Variants in MACROD2 observed in about 807,000 individuals in gnomAD.
The protein encoded by MACROD2 is mono-ADP ribosylhydrolase 2, also known as ADP-ribose glycohydrolase MACROD2.
A neutral mutation model predicts 70.4 loss-of-function variants in MACROD2; 36 were observed. That is an observed-to-expected ratio of 0.51 (90% CI 0.39 to 0.68). The LOEUF is 0.68. MACROD2 is among the 30% of genes least tolerant of loss of function. The pLI is 0.00. For missense variants in MACROD2, 496 were observed against 538.4 expected (o/e 0.92, Z 0.78); for synonymous variants, 172 against 178.8 (o/e 0.96, Z 0.30).
intron 6 of MACROD2, among the ~76,000 whole-genome samples, chr20:15,242,068 TAAGATA>T (rs1199590480): frequency 7.2e-5 from 11 of 152,164 alleles, no homozygotes; most frequent in African/African-American, 2.7e-4. Flanking sequence ...TGATCAAGAT[TAAGATA>T]ATCAGTAATG....
Position 14,855,899 on chromosome 20 carries a change from G to A in MACROD2, c.418+170940G>A, listed in dbSNP as rs115999000. 3.6e-3 allele frequency among the ~76,000 whole-genome samples: 554 copies of A among 151,976 alleles called. 2 individuals are homozygous for A. The highest frequency in any genetic ancestry group is 0.013 in the African/African-American group (524 of 41,466). On this transcript the variant is annotated intron_variant, in intron 5 of 17. Coordinates refer to ENST00000684519, the MANE Select transcript of MACROD2 (RefSeq NM_001351661.2). The stretch of plus-strand genomic sequence containing the variant: ...TAGTATATAGTTAAATAGAAATATC[G>A]TATTTCTAAGCAATTACCTTGTAAA...
chr20:15,607,328 G>C (rs73101898), intron 8 of MACROD2, among the ~76,000 whole-genome samples: 2,995 of 152,214 alleles, frequency 0.02, 47 homozygotes, highest in Non-Finnish European at 0.033. Flanking sequence ...TTGTTAATTG[G>C]ATTATATTAA....
chr20:15,500,007 GT>G (rs1204091093), intron 8 of MACROD2, among the ~76,000 whole-genome samples, 160 bp downstream of exon 8: 1 of 152,124 alleles, frequency 6.6e-6, no homozygotes, highest in Non-Finnish European at 1.5e-5. Context: ...GTAATTAAAT[GT>G]TTTTTGGTAA....
intron 8 of MACROD2, among the ~76,000 whole-genome samples, chr20:15,700,239 C>G (rs1412213166): frequency 1.3e-5 from 2 of 152,220 alleles, no homozygotes; most frequent in African/African-American, 4.8e-5. Flanking sequence ...CTGTCTAGAG[C>G]TGCAATCTGG....
chr20:15,319,867 T>C (rs1239637263), intron 6 of MACROD2, among the ~76,000 whole-genome samples: 1 of 152,208 alleles, frequency 6.6e-6, no homozygotes, highest in Non-Finnish European at 1.5e-5. Context: ...ATAGGTCCCA[T>C]ATTGTATAAT....
chr20:15,245,613 A>C (rs1252108515), intron 6 of MACROD2, among the ~76,000 whole-genome samples: 1 of 152,202 alleles, frequency 6.6e-6, no homozygotes, highest in Non-Finnish European at 1.5e-5. Flanking sequence ...TGGAAACTGT[A>C]CTTCAAGTGT....
intron 3 of MACROD2, among the ~76,000 whole-genome samples, chr20:14,216,999 T>C (rs2081628596): frequency 6.6e-6 from 1 of 152,200 alleles, no homozygotes; most frequent in Non-Finnish European, 1.5e-5. Context: ...TGCCTTTTAT[T>C]CTTTCTCTTG....
At chr20:15,346,881 G>A (rs1005779251) in intron 6 of MACROD2, among the ~76,000 whole-genome samples, 2 of 152,170 alleles carry the variant, frequency 1.3e-5, no homozygotes, top group African/African-American at 2.4e-5. Flanking sequence ...TCCAATGGGA[G>A]TATATTTAGT....
chr20:15,197,081 G>T, intron 5 of MACROD2: 1 of 951,370 alleles, frequency 1.1e-6, no homozygotes, highest in Non-Finnish European at 1.3e-6. Flanking sequence ...TCCTCTTCAT[G>T]TCTGGTTTGG....
At chr20:15,816,339 G>A (rs146461494) in intron 8 of MACROD2, among the ~76,000 whole-genome samples, 3 of 151,958 alleles carry the variant, frequency 2.0e-5, no homozygotes, top group Non-Finnish European at 4.4e-5. Context: ...CAACTCCATC[G>A]AACCCCCAAA....
intron 8 of MACROD2, among the ~76,000 whole-genome samples, chr20:15,714,448 T>C (rs189789815): frequency 2.6e-5 from 4 of 152,314 alleles, no homozygotes; most frequent in African/African-American, 9.6e-5. Flanking sequence ...GTGGAATAAG[T>C]AGCCAGAAGC....
At chr20:15,815,111 C>T (rs1018430723) in intron 8 of MACROD2, among the ~76,000 whole-genome samples, 7 of 152,196 alleles carry the variant, frequency 4.6e-5, no homozygotes, top group African/African-American at 1.7e-4. Flanking sequence ...CTGGATGCCT[C>T]ATCCCTTTCA....
intron 5 of MACROD2, among the ~76,000 whole-genome samples, chr20:14,868,494 T>G (rs1428043415): frequency 6.6e-6 from 1 of 152,076 alleles, no homozygotes; most frequent in African/African-American, 2.4e-5. Flanking sequence ...AGATTCTAGT[T>G]CCATACTATT....
At chr20:14,057,677 G>T (rs2053646046) in intron 2 of MACROD2, among the ~76,000 whole-genome samples, 1 of 152,126 alleles carries the variant, frequency 6.6e-6, no homozygotes, top group African/African-American at 2.4e-5. Flanking sequence ...CAGCAACTTC[G>T]ATAGGAATTC....
At chr20:15,436,151 C>G (rs900606569) in intron 7 of MACROD2, among the ~76,000 whole-genome samples, 1 of 152,050 alleles carries the variant, frequency 6.6e-6, no homozygotes, top group African/African-American at 2.4e-5. Context: ...CAGCATTATG[C>G]AACTTGAAAA....
At chr20:15,292,176 T>C (rs1225541616) in intron 6 of MACROD2, among the ~76,000 whole-genome samples, 1 of 152,068 alleles carries the variant, frequency 6.6e-6, no homozygotes, top group Non-Finnish European at 1.5e-5. Context: ...ATCCCTGGCC[T>C]TTTGTCATAT....
chr20:15,441,098 G>A (rs1207623333), intron 7 of MACROD2, among the ~76,000 whole-genome samples: 2 of 152,156 alleles, frequency 1.3e-5, no homozygotes, highest in African/African-American at 2.4e-5. Flanking sequence ...ACAGTGGAGA[G>A]ACAACTTGAC....
chr20:14,764,382 C>T (rs1465100171), intron 5 of MACROD2, among the ~76,000 whole-genome samples: 1 of 152,054 alleles, frequency 6.6e-6, no homozygotes, highest in Non-Finnish European at 1.5e-5. Context: ...TGCCTGAAAC[C>T]TGCCCATACA....
At chr20:15,250,444 G>T (rs902292320) in intron 6 of MACROD2, among the ~76,000 whole-genome samples, 8 of 152,130 alleles carry the variant, frequency 5.3e-5, no homozygotes, top group Non-Finnish European at 1.0e-4. Context: ...TTTTTATTGG[G>T]ATTATGTCCA....
Sources: allele counts gnomAD v4.1 joint callset (sites outside exome capture counted in the v4.1 genomes callset), GRCh38; gene constraint gnomAD v4.1.1; transcripts MANE v1.5; gene names NCBI Gene and HGNC (gene_info 2026-07-23, HGNC 2026-07-21).